The following GABPA variants were observed in gnomAD, a reference collection of about 807,000 sequenced individuals.
GABPA encodes GA binding protein transcription factor subunit alpha.
A neutral mutation model predicts 59.4 loss-of-function variants in GABPA; 4 were observed. The observed-to-expected ratio is 0.07, with a 90% CI of 0.03 to 0.15. The LOEUF is 0.15. GABPA is among the 10% of genes least tolerant of loss of function. The pLI, the probability that GABPA is intolerant of heterozygous loss-of-function variation, is 1.00. For missense variants in GABPA, 251 were observed against 543.8 expected (o/e 0.46, Z 5.36); for synonymous variants, 164 against 183.1 (o/e 0.90, Z 0.84).
At chr21:25,765,166 T>C (rs945671008) in intron 9 of GABPA, among the ~76,000 whole-genome samples, 2 of 152,052 alleles carry the variant, frequency 1.3e-5, no homozygotes, top group African/African-American at 4.8e-5. Context: ...TTCTACACAA[T>C]CTGCCTAAAT....
chr21:25,764,114 T>C (rs1183322053), intron 7 of GABPA, 96 bp from the exon 8 acceptor site: 10 of 1,024,932 alleles, frequency 9.8e-6, no homozygotes, highest in African/African-American at 1.7e-5. Context: ...GGGTAATTCA[T>C]AGGGCATTAG....
Position 25,770,259 on chromosome 21 carries a change from C to T in GABPA, c.*1027C>T, listed in dbSNP as rs2035983073. On this transcript the variant is annotated 3_prime_UTR_variant, in exon 10 of 10. Coordinates refer to ENST00000400075, the MANE Select transcript of GABPA (RefSeq NM_002040.4). ...CGACCTTTGTTATAGGCAGTCTTCTCTTTAAGACAATACTTTTCCACTTGT... is the reference window on the plus strand; with the variant it reads ...CGACCTTTGTTATAGGCAGTCTTCTTTTTAAGACAATACTTTTCCACTTGT... 1 of 152,136 alleles carries T rather than the reference C, an allele frequency of 6.6e-6. No individual in the cohort carries two copies. Among genetic ancestry groups the T allele is most frequent in the African/African-American group, 2.4e-5 (1 of 41,438 alleles). 9.4% of individuals were successfully genotyped at this position (152,136 alleles called of 1,614,324 possible).
intron 5 of GABPA, among the ~76,000 whole-genome samples, chr21:25,755,413 G>A (rs2035609746): frequency 6.7e-6 from 1 of 149,844 alleles, no homozygotes; most frequent in East Asian, 1.9e-4. Context: ...TCCAGCCTGG[G>A]TGGCAAAGCA....
chr21:25,747,435 A>G (rs2035396070), intron 3 of GABPA, among the ~76,000 whole-genome samples: 3 of 152,248 alleles, frequency 2.0e-5, no homozygotes, highest in Admixed American at 6.5e-5. Flanking sequence ...GGTAATATTT[A>G]TAATTCATAT....
intron 5 of GABPA, among the ~76,000 whole-genome samples, chr21:25,753,711 G>A (rs1476885767): frequency 1.3e-5 from 2 of 152,172 alleles, no homozygotes; most frequent in Non-Finnish European, 2.9e-5. Flanking sequence ...AGAAATGGGG[G>A]CAGATGAGGA....
intron 4 of GABPA, among the ~76,000 whole-genome samples, chr21:25,750,518 T>G (rs2035483729): frequency 1.3e-5 from 2 of 152,220 alleles, no homozygotes; most frequent in South Asian, 4.1e-4. Context: ...TCAACCTTAT[T>G]CATTACAGTA....
intron 3 of GABPA, 134 bp downstream of exon 3, chr21:25,745,488 T>G: frequency 1.4e-6 from 1 of 726,744 alleles, no homozygotes; most frequent in Non-Finnish European, 2.1e-6. Context: ...AAAATTTAAG[T>G]GTTTAGAAAT....
chr21:25,745,504 G>T, intron 3 of GABPA, 150 bp downstream of exon 3: 3 of 614,660 alleles, frequency 4.9e-6, no homozygotes, highest in Non-Finnish European at 2.6e-6. Context: ...GAAATAAAAA[G>T]GTTTTTAAGC....
chr21:25,756,646 C>T (rs1377014350), intron 5 of GABPA, among the ~76,000 whole-genome samples: 1 of 152,210 alleles, frequency 6.6e-6, no homozygotes, highest in Non-Finnish European at 1.5e-5. Context: ...GGTCACACTT[C>T]CCTTGCTTCC....
chr21:25,751,175 T>C (rs1032465543), intron 4 of GABPA, among the ~76,000 whole-genome samples: 3 of 152,042 alleles, frequency 2.0e-5, no homozygotes, highest in African/African-American at 7.2e-5. Context: ...GTATATCTTA[T>C]AGAGAGTACT....
intron 1 of GABPA, 133 bp downstream of exon 1, chr21:25,735,711 C>T (rs1055569303): frequency 6.6e-6 from 1 of 151,454 alleles, no homozygotes; most frequent in African/African-American, 2.4e-5. Flanking sequence ...GGCGCTGTGA[C>T]TCCCATTTCC....
rs928096480 is a variant in GABPA at position 25,754,617 on chromosome 21, A to T, written c.553+2383A>T. On this transcript the variant is annotated intron_variant, in intron 5 of 9. Coordinates refer to ENST00000400075, the MANE Select transcript of GABPA (RefSeq NM_002040.4). ...ACTTCTCTGAGTATATTGATTATAT[A>T]TTTTTTTTTAACTTTTAAAAAGCTT... Among the ~76,000 whole-genome samples, 13 of 150,648 alleles carry T rather than the reference A, an allele frequency of 8.6e-5. 2 individuals are homozygous for T. The highest frequency in any genetic ancestry group is 7.3e-5 in the African/African-American group (3 of 41,216).
At position 25,734,995 on chromosome 21, in the gene GABPA, G is replaced by A. The variant is rs777066588; in HGVS notation, c.-610G>A. ...TCAGTCGGTCGACGCTCACCGGACA[G>A]GAAGCGTCTCGGAGACAGTCTGCGA... On this transcript the variant is annotated 5_prime_UTR_variant, in exon 1 of 10. Transcript: ENST00000400075. 1.6e-5 allele frequency: 25 copies of A among 1,551,416 alleles called. No homozygotes were observed. Among genetic ancestry groups the A allele is most frequent in the East Asian group, 2.4e-5 (1 of 41,462 alleles).
intron 3 of GABPA, among the ~76,000 whole-genome samples, chr21:25,746,264 C>T (rs535865225): frequency 2.8e-4 from 42 of 152,274 alleles, no homozygotes; most frequent in Middle Eastern, 6.8e-3. Flanking sequence ...ATCCGCCTGC[C>T]TTGGCCTCCC....
intron 5 of GABPA, among the ~76,000 whole-genome samples, chr21:25,752,778 A>G (rs987458013): frequency 6.6e-6 from 1 of 152,198 alleles, no homozygotes; most frequent in African/African-American, 2.4e-5. Context: ...GAAAATGATA[A>G]TTGAAAAATG....
intron 6 of GABPA, among the ~76,000 whole-genome samples, chr21:25,760,128 ATTTC>A (rs1461081837): frequency 6.6e-6 from 1 of 152,134 alleles, no homozygotes; most frequent in Non-Finnish European, 1.5e-5. Flanking sequence ...GTCTCACGGA[ATTTC>A]TTGGTGATCC....
In GABPA at chr21:25,749,102, C is replaced by G; in HGVS notation, c.289C>G (p.Gln97Glu). Residue 97 changes from glutamine to glutamate, a missense_variant, in exon 4 of 10, where the codon CAG becomes GAG. Gln to Glu is a conservative substitution (Grantham distance 29). Around this residue, in one of 4 missense-constraint regions of GABPA, gnomAD observed 207 missense variants for 366.7 expected, o/e 0.56. Coordinates refer to ENST00000400075, the MANE Select transcript of GABPA (RefSeq NM_002040.4). The stretch of plus-strand genomic sequence containing the variant: ...AGATGGAACTGTACAGCTTAGTGTA[C>G]AGGTAATTTCTTACCAAGGTAAGTT... ...KTDGTVQLSV[Q>E]VISYQGIEPK... 2.5e-6 allele frequency: 4 copies of G among 1,583,264 alleles called. No homozygotes were observed. The East Asian group carries it at 9.0e-5, about 36-fold the overall frequency.
At chr21:25,762,914 G>T in intron 7 of GABPA, 2 of 303,716 alleles carry the variant, frequency 6.6e-6, no homozygotes, top group Non-Finnish European at 6.5e-6. Context: ...TGTCCCATGT[G>T]GCATTTTCCA....
intron 7 of GABPA, 93 bp from the exon 8 acceptor site, chr21:25,764,117 G>A (rs71651636): frequency 0.039 from 40,915 of 1,042,878 alleles, 1,007 homozygotes; most frequent in Non-Finnish European, 0.046. Context: ...TAATTCATAG[G>A]GCATTAGTTA....
Sources: allele counts gnomAD v4.1 joint callset (sites outside exome capture counted in the v4.1 genomes callset), GRCh38; gene constraint gnomAD v4.1.1; regional missense constraint gnomAD v4.1.1; transcripts MANE v1.5; gene names NCBI Gene and HGNC (gene_info 2026-07-23, HGNC 2026-07-21).